ITPR2: variants seen among roughly 807,000 people sequenced by gnomAD.
The protein encoded by ITPR2 is inositol 1,4,5-trisphosphate-gated calcium channel ITPR2.
ITPR2 carries 207 observed loss-of-function variants against 317.1 expected under a neutral mutation model. That is an observed-to-expected ratio of 0.65 (90% CI 0.58 to 0.73). The LOEUF is 0.73. Among genes scored for constraint, ITPR2 ranks in the 30% least tolerant of loss-of-function variants. The pLI, the probability that ITPR2 is intolerant of heterozygous loss-of-function variation, is 0.00. For missense variants in ITPR2, 2,613 were observed against 3,284.0 expected (o/e 0.80, Z 4.99); for synonymous variants, 1,156 against 1,149.1 (o/e 1.01, Z -0.12).
At chr12:26,734,996 C>CTTTT (rs5797195) in intron 2 of ITPR2, among the ~76,000 whole-genome samples, 62 of 108,978 alleles carry the variant, frequency 5.7e-4, no homozygotes, top group East Asian at 1.4e-3. Flanking sequence ...GCAAGCCAGT[C>CTTTT]TTTTTTTTTT....
At chr12:26,488,687 C>T (rs1942729257) in intron 39 of ITPR2, among the ~76,000 whole-genome samples, 1 of 123,738 alleles carries the variant, frequency 8.1e-6, no homozygotes, top group African/African-American at 2.5e-5. Context: ...CAGACCTCTA[C>T]AATCCCATGA....
chr12:26,815,763 C>G (rs147160387), intron 1 of ITPR2, among the ~76,000 whole-genome samples: 94 of 152,110 alleles, frequency 6.2e-4, no homozygotes, highest in Middle Eastern at 3.4e-3. Flanking sequence ...AGGCAATATG[C>G]CTTTGAACAG....
intron 37 of ITPR2, among the ~76,000 whole-genome samples, chr12:26,497,783 T>C (rs1339185418): frequency 2.0e-5 from 3 of 150,676 alleles, no homozygotes; most frequent in African/African-American, 7.3e-5. Context: ...CAATCTCAGC[T>C]CACTGCAACC....
At chr12:26,606,920 G>C (rs1239582720) in intron 26 of ITPR2, among the ~76,000 whole-genome samples, 3 of 152,206 alleles carry the variant, frequency 2.0e-5, no homozygotes, top group Non-Finnish European at 4.4e-5. Flanking sequence ...GGGCAACAGA[G>C]TGAGACCCAT....
At chr12:26,627,133 A>T (rs1193745948) in intron 23 of ITPR2, among the ~76,000 whole-genome samples, 2 of 152,226 alleles carry the variant, frequency 1.3e-5, no homozygotes, top group Non-Finnish European at 2.9e-5. Context: ...ATAACTATAC[A>T]AAGTAAATTT....
intron 37 of ITPR2, among the ~76,000 whole-genome samples, chr12:26,509,707 G>A (rs1029457148): frequency 6.6e-5 from 10 of 152,124 alleles, no homozygotes; most frequent in Admixed American, 2.0e-4. Flanking sequence ...ACTGTCTAAT[G>A]TTTAGGGCAC....
Position 26,682,634 on chromosome 12 carries a change from T to C in ITPR2, c.1188A>G (p.Thr396=), listed in dbSNP as rs1240984927. 6.2e-7 allele frequency: 1 copy of C among 1,613,226 alleles called. No individual in the cohort carries two copies. The highest frequency in any genetic ancestry group is 8.5e-7 in the Non-Finnish European group (1 of 1,179,360). ...TGGGGATACTAGTACTGGTTACCCA[T>C]GTGTTGGTGCATAAATGCCTTAACC... ...YVRLRHLCTN[T]WVTSTSIPID... The change falls in exon 12 of 57, where the codon ACA becomes ACG. Residue 396 remains threonine, a synonymous_variant. Transcript: ENST00000381340.
chr12:26,744,271 A>G (rs1421768139), intron 2 of ITPR2, among the ~76,000 whole-genome samples: 1 of 152,024 alleles, frequency 6.6e-6, no homozygotes, highest in Admixed American at 6.6e-5. Context: ...CCCCACCACT[A>G]CCTGGCCACT....
intron 21 of ITPR2, among the ~76,000 whole-genome samples, chr12:26,648,184 G>GA (rs142581743): frequency 0.22 from 32,753 of 152,070 alleles, 4,199 homozygotes; most frequent in East Asian, 0.55. Flanking sequence ...GGATTTCCCA[G>GA]AAAAAACAAA....
At chr12:26,537,342 C>T (rs746545460) in intron 37 of ITPR2, among the ~76,000 whole-genome samples, 1 of 152,164 alleles carries the variant, frequency 6.6e-6, no homozygotes, top group African/African-American at 2.4e-5. Context: ...ATGCTGCAGT[C>T]TATTTGTTGA....
chr12:26,572,834 A>T (rs181417124), intron 34 of ITPR2, among the ~76,000 whole-genome samples: 1 of 152,106 alleles, frequency 6.6e-6, no homozygotes, highest in African/African-American at 2.4e-5. Flanking sequence ...TGGCAAATAA[A>T]AGGCAATTAG....
intron 37 of ITPR2, among the ~76,000 whole-genome samples, chr12:26,519,497 T>G (rs1943611490): frequency 6.6e-6 from 1 of 152,228 alleles, no homozygotes; most frequent in South Asian, 2.1e-4. Context: ...AAAGTAAGTA[T>G]AATAAATAGA....
At chr12:26,419,436 G>A (rs192183712) in intron 49 of ITPR2, 107 of 421,174 alleles carry the variant, frequency 2.5e-4, no homozygotes, top group African/African-American at 2.1e-3. Flanking sequence ...AAACTGGCAC[G>A]TAAACATAAT....
At chr12:26,502,645 A>C (rs186654063) in intron 37 of ITPR2, among the ~76,000 whole-genome samples, 137 of 152,302 alleles carry the variant, frequency 9.0e-4, no homozygotes, top group Admixed American at 4.6e-4. Context: ...TTCTGCAAAG[A>C]CTATGTTGCT....
chr12:26,484,661 T>C (rs1207554215), intron 41 of ITPR2, among the ~76,000 whole-genome samples: 1 of 152,146 alleles, frequency 6.6e-6, no homozygotes, highest in Non-Finnish European at 1.5e-5. Context: ...AGTAATTGAC[T>C]AATAACCGAA....
chr12:26,611,311 TTCTGTTCCTTACA>T (rs1946261030), intron 26 of ITPR2, among the ~76,000 whole-genome samples: 1 of 152,216 alleles, frequency 6.6e-6, no homozygotes, highest in Non-Finnish European at 1.5e-5. Flanking sequence ...TTTTAGTTAA[TTCTGTTCCTTACA>T]TCACACATCC....
chr12:26,556,560 TTTTTTTTG>T (rs1433321838), intron 35 of ITPR2, among the ~76,000 whole-genome samples, 185 bp from the exon 36 acceptor site: 74 of 65,032 alleles, frequency 1.1e-3, no homozygotes, highest in African/African-American at 3.4e-3. Context: ...GTCTCTATTT[TTTTTTTTG>T]TGTGTGTGTG....
chr12:26,646,405 A>G (rs1231311206), intron 21 of ITPR2, among the ~76,000 whole-genome samples: 3 of 152,154 alleles, frequency 2.0e-5, no homozygotes, highest in Non-Finnish European at 4.4e-5. Flanking sequence ...TGCCAGAAAA[A>G]GCACTTCAAG....
chr12:26,782,010 ATATATATATATATATATATATATG>A (rs373675671), intron 2 of ITPR2, among the ~76,000 whole-genome samples: 54 of 30,912 alleles, frequency 1.7e-3, no homozygotes, highest in East Asian at 7.2e-3. Flanking sequence ...ATATATATAT[ATATATATATATATATATATATATG>A]TATAGAGAGA....
Sources: allele counts gnomAD v4.1 joint callset (sites outside exome capture counted in the v4.1 genomes callset), GRCh38; gene constraint gnomAD v4.1.1; transcripts MANE v1.5; gene names NCBI Gene and HGNC (gene_info 2026-07-23, HGNC 2026-07-21).